SYT1: variants seen among roughly 807,000 people sequenced by gnomAD.
The protein encoded by SYT1 is synaptotagmin 1.
In SYT1, 8 loss-of-function variants were observed where a neutral mutation model predicts 44.8. That is an observed-to-expected ratio of 0.18 (90% CI 0.10 to 0.32). SYT1 has a LOEUF of 0.32. Among genes scored for constraint, SYT1 ranks in the 10% least tolerant of loss-of-function variants. The pLI is 1.00. For synonymous variants in SYT1, 154 were observed against 188.8 expected (o/e 0.82, Z 1.51); for missense variants, 286 against 509.3 (o/e 0.56, Z 4.22).
In SYT1 at chr12:79,362,881, A is replaced by G. The variant is rs542936710; in HGVS notation, c.928+9262A>G. On this transcript the variant is annotated intron_variant, in intron 9 of 10. Coordinates refer to ENST00000261205, the MANE Select transcript of SYT1 (RefSeq NM_005639.3). ...TTACTACTTTACATTTGGGTTGTAA[A>G]TACGTGTTGCTCTAGGAAATGGAAC... 3.1e-4 allele frequency among the ~76,000 whole-genome samples: 47 copies of G among 152,320 alleles called. No homozygotes were observed. In the South Asian group the frequency reaches 4.6e-3, roughly 15 times the overall value.
rs112414156 is a variant in SYT1, at chr12:78,955,281, A to G, written c.-216-22518A>G. 3.0e-3 allele frequency among the ~76,000 whole-genome samples: 452 copies of G among 152,254 alleles called. 3 individuals carry two copies. Among genetic ancestry groups the G allele is most frequent in the African/African-American group, 0.01 (426 of 41,558 alleles). On this transcript the variant is annotated intron_variant, in intron 1 of 10. Transcript: ENST00000261205. ...GAAAAGCGTTGCTTGATCGATTTTCAAACACACATTCAGGTTTTGTCCATA... is the reference window on the plus strand; with the variant it reads ...GAAAAGCGTTGCTTGATCGATTTTCGAACACACATTCAGGTTTTGTCCATA...
At chr12:78,881,695 C>G (rs559733587) in intron 1 of SYT1, among the ~76,000 whole-genome samples, 3 of 151,118 alleles carry the variant, frequency 2.0e-5, no homozygotes, top group Non-Finnish European at 4.4e-5. Context: ...AAGTAACCTT[C>G]GCTTGGTAAT....
intron 1 of SYT1, among the ~76,000 whole-genome samples, chr12:78,911,993 T>A (rs1876361870): frequency 6.6e-6 from 1 of 152,000 alleles, no homozygotes; most frequent in South Asian, 2.1e-4. Flanking sequence ...CCAACATAAT[T>A]GATGACATCG....
chr12:78,950,250 C>T (rs867762419), intron 1 of SYT1, among the ~76,000 whole-genome samples: 2 of 151,954 alleles, frequency 1.3e-5, no homozygotes, highest in Non-Finnish European at 2.9e-5. Flanking sequence ...ACATATGAAC[C>T]TACCTTATAA....
intron 3 of SYT1, among the ~76,000 whole-genome samples, chr12:79,173,367 T>G (rs1871666956): frequency 6.6e-6 from 1 of 152,058 alleles, no homozygotes; most frequent in African/African-American, 2.4e-5. Flanking sequence ...CGTGCTTAAT[T>G]TCTTCCCCCA....
intron 9 of SYT1, among the ~76,000 whole-genome samples, chr12:79,378,734 A>C (rs906303833): frequency 9.2e-5 from 14 of 152,330 alleles, no homozygotes; most frequent in African/African-American, 3.1e-4. Context: ...TGCCAAAAAC[A>C]AAAGTATAAA....
At chr12:79,078,855 C>T (rs2137939614) in intron 3 of SYT1, among the ~76,000 whole-genome samples, 1 of 152,288 alleles carries the variant, frequency 6.6e-6, no homozygotes, top group East Asian at 1.9e-4. Context: ...AGGTTTTATA[C>T]ATACTGTTTG....
chr12:79,157,026 G>A (rs983180362), intron 3 of SYT1, among the ~76,000 whole-genome samples: 2 of 152,080 alleles, frequency 1.3e-5, no homozygotes, highest in Non-Finnish European at 2.9e-5. Context: ...AAGAGGAGGA[G>A]GGAAAGGCGG....
At chr12:79,030,072 A>G (rs558182134) in intron 2 of SYT1, among the ~76,000 whole-genome samples, 2 of 151,184 alleles carry the variant, frequency 1.3e-5, no homozygotes, top group Non-Finnish European at 3.0e-5. Context: ...AGAAGCAAAA[A>G]TTCTACATAC....
chr12:79,247,492 T>C (rs1876920731), intron 4 of SYT1, among the ~76,000 whole-genome samples: 1 of 152,308 alleles, frequency 6.6e-6, no homozygotes, highest in Admixed American at 6.5e-5. Flanking sequence ...ACACAATTCT[T>C]CCTCATGAGA....
At chr12:79,102,080 A>G (rs1878476960) in intron 3 of SYT1, among the ~76,000 whole-genome samples, 2 of 152,136 alleles carry the variant, frequency 1.3e-5, no homozygotes, top group African/African-American at 4.8e-5. Flanking sequence ...GAAACCTTGC[A>G]TTTATCGCCT....
chr12:79,349,011 GAAAGAAAGAAAGAAAGAAAGAA>G lies in SYT1; in HGVS notation c.811-4467_811-4446del, dbSNP rs1351411344. ...AGAAAGAGAGAAGGAAAGAAAGAAA[GAAAGAAAGAAAGAAAGAAAGAA>G]AAAGAAAGAAAGAAAGAAAGAAAGG... is the stretch of plus-strand genomic sequence containing the variant. On this transcript the variant is annotated intron_variant, in intron 8 of 10. Transcript: ENST00000261205. Among the ~76,000 whole-genome samples, 13 of 108,458 alleles carry G rather than the reference GAAAGAAAGAAAGAAAGAAAGAA, an allele frequency of 1.2e-4. No individual in the cohort carries two copies. In the East Asian group the frequency reaches 2.4e-3, roughly 20 times the overall value. 71.2% of individuals were successfully genotyped at this position (108,458 alleles called of 152,430 possible).
intron 3 of SYT1, among the ~76,000 whole-genome samples, chr12:79,067,730 T>C (rs1875972713): frequency 6.6e-6 from 1 of 152,168 alleles, no homozygotes; most frequent in African/African-American, 2.4e-5. Flanking sequence ...GAAAGGCAGA[T>C]GAGAGAAGTC....
chr12:79,445,990 C>CATATATATATATATAT (rs59721146), intron 10 of SYT1, among the ~76,000 whole-genome samples: 2 of 44,150 alleles, frequency 4.5e-5, no homozygotes, highest in Non-Finnish European at 8.8e-5. Flanking sequence ...AATCCAAAGA[C>CATATATATATATATAT]ATATATATAT....
chr12:79,052,607 T>C (rs1187424154), intron 3 of SYT1, among the ~76,000 whole-genome samples: 1 of 152,096 alleles, frequency 6.6e-6, no homozygotes, highest in African/African-American at 2.4e-5. Flanking sequence ...AATCTACTCA[T>C]CTGACAAAGG....
intron 1 of SYT1, among the ~76,000 whole-genome samples, chr12:78,974,302 A>G (rs1662829402): frequency 1.3e-5 from 2 of 151,940 alleles, no homozygotes; most frequent in East Asian, 1.9e-4. Flanking sequence ...AAATTTTATT[A>G]TTTGGTGCAT....
At chr12:79,047,492 C>T (rs558444579) in intron 3 of SYT1, 130 bp downstream of exon 3, 1 of 151,918 alleles carries the variant, frequency 6.6e-6, no homozygotes. Flanking sequence ...TGAGCCTTCT[C>T]TTTCAATTTA....
chr12:79,032,123 G>A (rs929664551), intron 2 of SYT1, among the ~76,000 whole-genome samples: 1 of 151,136 alleles, frequency 6.6e-6, no homozygotes, highest in Admixed American at 6.6e-5. Flanking sequence ...AGATTGGCAA[G>A]GTAAATTCTG....
intron 1 of SYT1, among the ~76,000 whole-genome samples, chr12:78,941,055 C>CTTTTTTTTTTTTTTTTTTTTTTTTTTTT (rs1384559478): frequency 1.2e-5 from 1 of 86,020 alleles, no homozygotes. Context: ...CTTTTTTTTT[C>CTTTTTTTTTTTTTTTTTTTTTTTTTTTT]TTTTTTTTTC....
Sources: allele counts gnomAD v4.1 joint callset (sites outside exome capture counted in the v4.1 genomes callset), GRCh38; gene constraint gnomAD v4.1.1; transcripts MANE v1.5; gene names NCBI Gene and HGNC (gene_info 2026-07-23, HGNC 2026-07-21).